The following DYM variants were observed in gnomAD, a reference collection of about 807,000 sequenced individuals.
DYM encodes dymeclin, also known as dyggve-Melchior-Clausen syndrome protein.
A neutral mutation model predicts 93.1 loss-of-function variants in DYM; 78 were observed. The observed-to-expected ratio is 0.84, with a 90% CI of 0.70 to 1.01. DYM has a LOEUF of 1.01. Ranked by LOEUF, DYM falls within the 50% of genes least tolerant of loss-of-function variation. The pLI is 0.00. For missense variants in DYM, 789 were observed against 845.0 expected, an observed-to-expected ratio of 0.93 and a Z score of 0.82; for synonymous variants, 321 against 319.7, an observed-to-expected ratio of 1.00 and a Z score of -0.04.
At chr18:49,174,949 T>C (rs1364750330) in intron 14 of DYM, among the ~76,000 whole-genome samples, 3 of 152,146 alleles carry the variant, frequency 2.0e-5, no homozygotes, top group East Asian at 1.9e-4. Flanking sequence ...GAAAAAAACA[T>C]CAAAGCCGAC....
chr18:49,263,541 C>T (rs748009897), intron 11 of DYM, among the ~76,000 whole-genome samples: 11 of 151,536 alleles, frequency 7.3e-5, no homozygotes, highest in Non-Finnish European at 1.2e-4. Flanking sequence ...CCAGCCTGGC[C>T]AAGATGGTGA....
chr18:49,095,725 G>A (rs2145513289), intron 17 of DYM, among the ~76,000 whole-genome samples: 1 of 152,190 alleles, frequency 6.6e-6, no homozygotes, highest in South Asian at 2.1e-4. Flanking sequence ...TTGTTTATAT[G>A]TCACTGTCTC....
At chr18:49,215,282 C>G (rs2092980422) in intron 13 of DYM, among the ~76,000 whole-genome samples, 1 of 152,166 alleles carries the variant, frequency 6.6e-6, no homozygotes, top group Non-Finnish European at 1.5e-5. Context: ...CTATGGTTTT[C>G]AGATTCCTCG....
intron 14 of DYM, among the ~76,000 whole-genome samples, chr18:49,204,250 T>C (rs150400327): frequency 1.3e-5 from 2 of 152,360 alleles, no homozygotes; most frequent in East Asian, 3.9e-4. Flanking sequence ...ATAATGTTTT[T>C]AACTCAATGT....
At chr18:49,292,323 G>GGC (rs1404708780) in intron 8 of DYM, among the ~76,000 whole-genome samples, 1 of 83,490 alleles carries the variant, frequency 1.2e-5, no homozygotes, top group Non-Finnish European at 2.7e-5. Context: ...CAGGCAGGCA[G>GGC]GCAGGCAGGC....
chr18:49,142,722 A>G (rs1471169720), intron 15 of DYM, among the ~76,000 whole-genome samples: 1 of 152,194 alleles, frequency 6.6e-6, no homozygotes, highest in Non-Finnish European at 1.5e-5. Context: ...CCTTTTTGGT[A>G]TAAAATTTTC....
intron 13 of DYM, among the ~76,000 whole-genome samples, chr18:49,248,691 A>C (rs2094220680): frequency 6.6e-6 from 1 of 152,210 alleles, no homozygotes; most frequent in Non-Finnish European, 1.5e-5. Context: ...ATTCGTCTGC[A>C]ATAAAAACAT....
At chr18:49,258,351 A>C (rs1261300812) in intron 12 of DYM, 29 bp downstream of exon 12, 4 of 1,473,404 alleles carry the variant, frequency 2.7e-6, no homozygotes. Flanking sequence ...TGTATGCAAA[A>C]AAGATAGAAT....
At chr18:49,375,235 T>C (rs944552705) in intron 5 of DYM, among the ~76,000 whole-genome samples, 1 of 133,340 alleles carries the variant, frequency 7.5e-6, no homozygotes, top group Non-Finnish European at 1.5e-5. Context: ...CACACATCTA[T>C]ACCTACCTTG....
intron 14 of DYM, among the ~76,000 whole-genome samples, chr18:49,197,703 A>G (rs931670219): frequency 8.5e-5 from 13 of 152,228 alleles, no homozygotes; most frequent in Non-Finnish European, 1.5e-4. Context: ...AAGGAGAACT[A>G]CAAACCACTG....
chr18:49,351,929 G>A (rs1262391456), intron 6 of DYM, among the ~76,000 whole-genome samples: 2 of 152,212 alleles, frequency 1.3e-5, no homozygotes, highest in South Asian at 2.1e-4. Context: ...ACACAGCTAT[G>A]TGATAGCCCT....
At chr18:49,152,194 A>T (rs927671978) in intron 15 of DYM, among the ~76,000 whole-genome samples, 2 of 152,210 alleles carry the variant, frequency 1.3e-5, no homozygotes, top group African/African-American at 4.8e-5. Context: ...AAAGTCCTTA[A>T]AAATAATATT....
At chr18:49,233,691 A>C (rs1405951029) in intron 13 of DYM, among the ~76,000 whole-genome samples, 1 of 152,170 alleles carries the variant, frequency 6.6e-6, no homozygotes, top group African/African-American at 2.4e-5. Flanking sequence ...TTCTACACTA[A>C]CAGATTTTTT....
intron 6 of DYM, among the ~76,000 whole-genome samples, chr18:49,349,804 A>C (rs1435872984): frequency 6.6e-6 from 1 of 152,160 alleles, no homozygotes. Flanking sequence ...AAAAATTTTA[A>C]AAATTAGCTG....
intron 6 of DYM, among the ~76,000 whole-genome samples, chr18:49,344,840 A>G (rs551778215): frequency 8.5e-4 from 129 of 152,312 alleles, no homozygotes; most frequent in Non-Finnish European, 1.6e-3. Context: ...CCAATCATTC[A>G]TTGGGTATCT....
intron 14 of DYM, among the ~76,000 whole-genome samples, chr18:49,205,018 T>C (rs1365980666): frequency 2.6e-5 from 4 of 152,370 alleles, no homozygotes; most frequent in South Asian, 4.1e-4. Flanking sequence ...TGGAGTGCAG[T>C]GGCGTGATCT....
chr18:49,096,835 G>C (rs2079590562), intron 17 of DYM, among the ~76,000 whole-genome samples: 1 of 152,180 alleles, frequency 6.6e-6, no homozygotes. Context: ...CAGCAATTAT[G>C]AATGTGGGCA....
intron 13 of DYM, among the ~76,000 whole-genome samples, chr18:49,219,915 G>A (rs1314050877): frequency 1.5e-5 from 1 of 68,682 alleles, no homozygotes; most frequent in African/African-American, 3.2e-5. Context: ...AGGGCAATTA[G>A]GCAGAAGGAA....
chr18:49,358,657 A>C (rs1392023630), intron 6 of DYM, among the ~76,000 whole-genome samples: 1 of 152,160 alleles, frequency 6.6e-6, no homozygotes, highest in East Asian at 1.9e-4. Flanking sequence ...ACAGGTTCAT[A>C]AGAAAGACCA....
Sources: gnomAD v4.1 joint callset for allele counts (sites outside exome capture counted in the v4.1 genomes callset) on GRCh38, gnomAD v4.1.1 for gene constraint, MANE v1.5 for transcripts, NCBI Gene and HGNC (gene_info 2026-07-23, HGNC 2026-07-21) for gene names.